The following DMBT1 variants were observed in gnomAD, a reference collection of about 807,000 sequenced individuals.
DMBT1 encodes the protein scavenger receptor cysteine-rich domain-containing protein DMBT1.
In DMBT1, 198 loss-of-function variants were observed where a neutral mutation model predicts 252.9. The ratio of observed to expected loss-of-function variants is 0.78; its 90% CI spans 0.70 to 0.88. The LOEUF (loss-of-function observed/expected upper bound fraction) is 0.88, where lower values mean the gene tolerates loss of function less well. Ranked by LOEUF, DMBT1 falls within the 40% of genes least tolerant of loss-of-function variation. The pLI, the probability that DMBT1 is intolerant of heterozygous loss-of-function variation, is 0.00. For missense variants in DMBT1, 2,432 were observed against 2,404.7 expected (o/e 1.01, Z -0.24); for synonymous variants, 990 against 942.7 (o/e 1.05, Z -0.92).
intron 55 of DMBT1, 149 bp from the exon 56 acceptor site, chr10:122,642,973 T>A: frequency 9.4e-7 from 1 of 1,068,662 alleles, no homozygotes; most frequent in Non-Finnish European, 1.3e-6. Flanking sequence ...AGTGAGTGTC[T>A]GATCCACACG....
intron 52 of DMBT1, among the ~76,000 whole-genome samples, chr10:122,634,425 CT>C (rs2098200653): frequency 1.4e-5 from 1 of 70,572 alleles, no homozygotes; most frequent in African/African-American, 8.4e-5. Context: ...CTCTCTCTCT[CT>C]CTCTTCTCTC....
chr10:122,572,236 A>C, intron 4 of DMBT1, 78 bp from the exon 5 acceptor site: 4 of 1,583,990 alleles, frequency 2.5e-6, no homozygotes, highest in Admixed American at 3.3e-5. Context: ...CCCTTGCTTC[A>C]GACCTGAGGA....
At chr10:122,584,987 C>A (rs1460076922) in intron 14 of DMBT1, among the ~76,000 whole-genome samples, 1 of 148,860 alleles carries the variant, frequency 6.7e-6, no homozygotes, top group Non-Finnish European at 1.5e-5. Context: ...GTTAGATGTA[C>A]CCGTCAGTGC....
intron 9 of DMBT1, 108 bp from the exon 10 acceptor site, chr10:122,579,470 C>A: frequency 1.9e-6 from 3 of 1,579,144 alleles, no homozygotes; most frequent in Non-Finnish European, 2.6e-6. Context: ...AAGGTGACTG[C>A]CTGCCTAGGT....
intron 24 of DMBT1, among the ~76,000 whole-genome samples, 158 bp from the exon 25 acceptor site, chr10:122,597,816 C>G (rs549586868): frequency 1.3e-5 from 2 of 152,236 alleles, no homozygotes; most frequent in East Asian, 1.9e-4. Flanking sequence ...CCTTGCTGAG[C>G]TTGCTGAGCT....
At chr10:122,579,316 C>A (rs1012742431) in intron 9 of DMBT1, among the ~76,000 whole-genome samples, 20 of 152,114 alleles carry the variant, frequency 1.3e-4, no homozygotes, top group Non-Finnish European at 2.5e-4. Context: ...TCTGTGTACC[C>A]AACTGGGGAG....
chr10:122,629,755 C>A, intron 46 of DMBT1, 85 bp from the exon 47 acceptor site: 1 of 1,477,250 alleles, frequency 6.8e-7, no homozygotes, highest in Non-Finnish European at 9.2e-7. Context: ...GAAGATGAAA[C>A]TGGATGATAC....
Position 122,633,258 on chromosome 10 carries a change from G to T in DMBT1, c.6465G>T (p.Gly2155=). ...ACTTTTCCAGCCCATTCTATCCCGG[G>T]AACTATCCAAACAATGCCAAGTGTG... ...SGDFSSPFYP[G]NYPNNAKCVW... The change falls in exon 52 of 56, where the codon GGG becomes GGT. Residue 2155 remains glycine, a synonymous_variant. Transcript: ENST00000338354. 1.9e-6 allele frequency: 3 copies of T among 1,613,964 alleles called. No individual in the cohort carries two copies. The highest frequency in any genetic ancestry group is 2.5e-6 in the Non-Finnish European group (3 of 1,179,894).
At chr10:122,591,549 C>T in intron 19 of DMBT1, 32 bp downstream of exon 19, 2 of 1,562,444 alleles carry the variant, frequency 1.3e-6, no homozygotes, top group Non-Finnish European at 1.7e-6. Flanking sequence ...CCCTAGGGCT[C>T]ACTCTCTACC....
At chr10:122,593,361 A>T (rs982294752) in intron 20 of DMBT1, among the ~76,000 whole-genome samples, 6 of 147,714 alleles carry the variant, frequency 4.1e-5, no homozygotes, top group Non-Finnish European at 7.5e-5. Flanking sequence ...CAATTTGATC[A>T]CCTCAGAGCT....
Position 122,570,030 on chromosome 10 carries a change from G to A in DMBT1, c.92-132G>A, listed in dbSNP as rs1261031353. The A allele has an allele frequency of 8.3e-6, 7 of 841,514 alleles. No individual in the cohort carries two copies. The Admixed American group carries it at 1.2e-4, about 15-fold the overall frequency. 52.1% of individuals were successfully genotyped at this position (841,514 alleles called of 1,614,324 possible). Reference sequence around the variant, plus strand: ...TCAGTGATGGAGCGATTGGCACATAGTTGGCTTTTAGCAATGGAGGGTGCC... The same window carrying A: ...TCAGTGATGGAGCGATTGGCACATAATTGGCTTTTAGCAATGGAGGGTGCC... On this transcript the variant is annotated intron_variant, in intron 2 of 55. Transcript: ENST00000338354.
Position 122,629,822 on chromosome 10 carries a change from C to A in DMBT1, c.5669-18C>A, listed in dbSNP as rs777476830. ...TGAAGACCTGGTACAATGGAGATGT[C>A]CCCTCTCTCCTCTCTAGGACCCTCT... On this transcript the variant is annotated intron_variant, in intron 46 of 55. Coordinates refer to ENST00000338354, the MANE Select transcript of DMBT1 (RefSeq NM_001377530.1). The A allele has an allele frequency of 6.2e-7, 1 of 1,611,172 alleles. No homozygotes were observed. Among genetic ancestry groups the A allele is most frequent in the Non-Finnish European group, 8.5e-7 (1 of 1,178,604 alleles).
Position 122,598,940 on chromosome 10 carries a change from A to C in DMBT1, c.3123A>C (p.Ser1041=). ...AACTGGGCTGTGGCTGGGCCATGTCAGCCCCAGGAAATGCCCGGTTTGGTC... is the reference window on the plus strand; with the variant it reads ...AACTGGGCTGTGGCTGGGCCATGTCCGCCCCAGGAAATGCCCGGTTTGGTC... ...CRQLGCGWAM[S]APGNARFGQG... Residue 1041 remains serine (S), a synonymous_variant, in exon 26 of 56, where the codon TCA becomes TCC. Coordinates refer to ENST00000338354, the MANE Select transcript of DMBT1 (RefSeq NM_001377530.1). 1 of 1,613,788 alleles carries C rather than the reference A, an allele frequency of 6.2e-7. No individual in the cohort carries two copies. The highest frequency in any genetic ancestry group is 2.2e-5 in the East Asian group (1 of 44,862).
At position 122,566,607 on chromosome 10, in the gene DMBT1, G is replaced by A. The variant is rs958211025; in HGVS notation, c.91+611G>A. Reference sequence around the variant, plus strand: ...TTACAGGCATGAGCCACTGCGCCCGGCCTACCTTTTCTTTTCACTAATAAT... The same window carrying A: ...TTACAGGCATGAGCCACTGCGCCCGACCTACCTTTTCTTTTCACTAATAAT... On this transcript the variant is annotated intron_variant, in intron 2 of 55. Transcript: ENST00000338354. Among the ~76,000 whole-genome samples the A allele has an allele frequency of 1.8e-4, 27 of 152,088 alleles. 1 individual carries two copies. The highest frequency in any genetic ancestry group is 6.5e-4 in the African/African-American group (27 of 41,406).
intron 10 of DMBT1, 143 bp downstream of exon 10, chr10:122,580,044 A>T (rs761282443): frequency 1.4e-6 from 2 of 1,465,728 alleles, no homozygotes; most frequent in Non-Finnish European, 1.8e-6. Flanking sequence ...CTAAGAATCC[A>T]TATGTACTCA....
Position 122,576,723 on chromosome 10 carries a change from G to T in DMBT1, c.607+1G>T. 6.2e-7 allele frequency: 1 copy of T among 1,613,784 alleles called. No individual in the cohort carries two copies. Among genetic ancestry groups the T allele is most frequent in the South Asian group, 1.1e-5 (1 of 91,060 alleles). On this transcript the variant is annotated splice_donor_variant, in intron 7 of 55. Coordinates refer to ENST00000338354, the MANE Select transcript of DMBT1 (RefSeq NM_001377530.1). LOFTEE classifies it high-confidence loss of function. ...GAAGATGCTGGTGTTATCTGCTCAGGTAGGCATCCAGATCTCTGGAGGGTT... is the reference window on the plus strand; with the variant it reads ...GAAGATGCTGGTGTTATCTGCTCAGTTAGGCATCCAGATCTCTGGAGGGTT...
In DMBT1 at chr10:122,621,174, A is replaced by G. The variant is rs747583716; in HGVS notation, c.5402A>G (p.Asn1801Ser). The change falls in exon 44 of 56, where the codon AAT (asparagine) becomes AGT (serine). Residue 1801 changes from asparagine to serine, a missense_variant. Transcript: ENST00000338354. The part of the protein sequence containing the change: ...GTVCDDSWDT[N>S]DANVVCRQLG... ...GTGTGTGATGACAGCTGGGACACCAATGATGCCAATGTGGTCTGCAGGCAG... is the reference window on the plus strand; with the variant it reads ...GTGTGTGATGACAGCTGGGACACCAGTGATGCCAATGTGGTCTGCAGGCAG... 10 of 1,613,770 alleles carry G rather than the reference A, an allele frequency of 6.2e-6. No homozygotes were observed. In the African/African-American group the frequency reaches 9.3e-5, roughly 15 times the overall value.
chr10:122,593,464 G>C (rs1565770145), intron 20 of DMBT1, 105 bp from the exon 21 acceptor site: 15 of 1,280,838 alleles, frequency 1.2e-5, no homozygotes, highest in Non-Finnish European at 1.7e-5. Context: ...ATAGGAACTA[G>C]GATGGACTGA....
Position 122,629,852 on chromosome 10 carries a change from A to G in DMBT1, c.5681A>G (p.Asn1894Ser). The change falls in exon 47 of 56, where the codon AAT becomes AGT. Residue 1894 changes from asparagine to serine, a missense_variant. Asn to Ser is a conservative substitution (Grantham distance 46, BLOSUM62 1). This residue lies in a region of DMBT1 where 1,162 missense variants were observed against 1,169.0 expected (regional missense o/e 0.99). Transcript: ENST00000338354. ...CTCTCCTCTCTAGGACCCTCTTCAA[A>G]TTGTGGTGGCTTCTTATTCTATGCC... The part of the protein sequence containing the change: ...TTTTTARPSS[N>S]CGGFLFYASG... The G allele has an allele frequency of 6.2e-7, 1 of 1,613,944 alleles. No homozygotes were observed. The highest frequency in any genetic ancestry group is 2.2e-5 in the East Asian group (1 of 44,888).
Sources: allele counts gnomAD v4.1 joint callset (sites outside exome capture counted in the v4.1 genomes callset), GRCh38; gene constraint gnomAD v4.1.1; regional missense constraint gnomAD v4.1.1; transcripts MANE v1.5; gene names NCBI Gene and HGNC (gene_info 2026-07-23, HGNC 2026-07-21).